BMAL2: variants seen among roughly 807,000 people sequenced by gnomAD.
The protein encoded by BMAL2 is basic helix-loop-helix ARNT-like protein 2.
chr12:27,350,828 C>T, the BMAL2 span, among the ~76,000 whole-genome samples: 2 of 151,764 alleles, frequency 1.3e-5, no homozygotes, highest in East Asian at 3.9e-4. Flanking sequence ...TACAGGCGCC[C>T]ACCACCACGC....
At chr12:27,414,458 TC>T in the BMAL2 span, among the ~76,000 whole-genome samples, 2 of 152,192 alleles carry the variant, frequency 1.3e-5, no homozygotes, top group South Asian at 4.1e-4. Flanking sequence ...AGGTGTCTTT[TC>T]TGGCCACAAT....
chr12:27,363,529 A>G, the BMAL2 span, among the ~76,000 whole-genome samples: 1 of 152,186 alleles, frequency 6.6e-6, no homozygotes. Context: ...TTAGTATATC[A>G]CTACAGTTTC....
the BMAL2 span, among the ~76,000 whole-genome samples, chr12:27,378,164 G>A: frequency 1.3e-5 from 2 of 152,140 alleles, no homozygotes; most frequent in Admixed American, 6.5e-5. Flanking sequence ...TGAAATCTAA[G>A]ATACACTTTT....
At chr12:27,399,789 T>C in the BMAL2 span, among the ~76,000 whole-genome samples, 1 of 152,198 alleles carries the variant, frequency 6.6e-6, no homozygotes, top group Non-Finnish European at 1.5e-5. Flanking sequence ...AAATCACTTT[T>C]GTGGCATGCC....
At chr12:27,340,585 C>G in the BMAL2 span, among the ~76,000 whole-genome samples, 2 of 151,520 alleles carry the variant, frequency 1.3e-5, no homozygotes, top group Admixed American at 1.3e-4. Flanking sequence ...CTTGGCTATT[C>G]GGGCTTTTTT....
the BMAL2 span, among the ~76,000 whole-genome samples, chr12:27,363,900 T>A: frequency 6.6e-6 from 1 of 152,196 alleles, no homozygotes; most frequent in Admixed American, 6.5e-5. Context: ...CTCTCCCTCC[T>A]TTAGAGTTTT....
the BMAL2 span, among the ~76,000 whole-genome samples, chr12:27,410,922 A>G: frequency 2.0e-5 from 3 of 152,104 alleles, no homozygotes; most frequent in Admixed American, 6.5e-5. Context: ...ACACATAACT[A>G]TATCATTATA....
At chr12:27,420,019 G>GCGCGCGCGCGCGCGCGCGCA in the BMAL2 span, among the ~76,000 whole-genome samples, 1 of 147,478 alleles carries the variant, frequency 6.8e-6, no homozygotes, top group African/African-American at 2.5e-5. Context: ...GTTTGCGCGT[G>GCGCGCGCGCGCGCGCGCGCA]CACACACACA....
the BMAL2 span, among the ~76,000 whole-genome samples, chr12:27,394,930 A>G: frequency 2.0e-5 from 3 of 152,352 alleles, no homozygotes; most frequent in East Asian, 5.8e-4. Context: ...GCAAGCCAGA[A>G]AGACAGCCCT....
the BMAL2 span, among the ~76,000 whole-genome samples, chr12:27,419,388 GA>G: frequency 7.2e-5 from 11 of 152,198 alleles, no homozygotes; most frequent in Non-Finnish European, 1.0e-4. Context: ...GCGGAAGGCA[GA>G]AGGGCAAGAG....
chr12:27,339,979 A>G, the BMAL2 span, among the ~76,000 whole-genome samples: 1 of 151,966 alleles, frequency 6.6e-6, no homozygotes, highest in African/African-American at 2.4e-5. Context: ...TAAGTTTCTG[A>G]TAGATGCTGG....
At chr12:27,424,278 T>A in the BMAL2 span, 1 of 152,356 alleles carries the variant, frequency 6.6e-6, no homozygotes, top group African/African-American at 2.4e-5. Context: ...CAATTATTTA[T>A]TGATCCTTGA....
the BMAL2 span, among the ~76,000 whole-genome samples, chr12:27,346,375 G>A: frequency 6.6e-6 from 1 of 152,056 alleles, no homozygotes; most frequent in Admixed American, 6.6e-5. Context: ...ATTCTCCTGT[G>A]TCAGCCTCCT....
chr12:27,405,844 A>G, the BMAL2 span, among the ~76,000 whole-genome samples: 2 of 151,704 alleles, frequency 1.3e-5, no homozygotes, highest in East Asian at 3.9e-4. Context: ...AAAAACCTTG[A>G]AAAAAAAATT....
At chr12:27,376,053 A>G in the BMAL2 span, among the ~76,000 whole-genome samples, 5 of 152,330 alleles carry the variant, frequency 3.3e-5, no homozygotes, top group East Asian at 9.6e-4. Context: ...TAAGTTTGTC[A>G]TGAGATCATA....
At chr12:27,408,772 G>C in the BMAL2 span, among the ~76,000 whole-genome samples, 1 of 152,286 alleles carries the variant, frequency 6.6e-6, no homozygotes, top group East Asian at 1.9e-4. Flanking sequence ...GGAAATAAAA[G>C]GTATTCAATT....
the BMAL2 span, among the ~76,000 whole-genome samples, chr12:27,398,677 C>T: frequency 6.6e-6 from 1 of 151,942 alleles, no homozygotes; most frequent in Non-Finnish European, 1.5e-5. Flanking sequence ...AGGGACAGTT[C>T]GATTTGGAAA....
the BMAL2 span, among the ~76,000 whole-genome samples, chr12:27,407,956 C>T: frequency 2.0e-5 from 3 of 152,162 alleles, no homozygotes; most frequent in Non-Finnish European, 4.4e-5. Context: ...TCAGAGAATA[C>T]TATAAACACC....
the BMAL2 span, among the ~76,000 whole-genome samples, chr12:27,344,532 C>T: frequency 6.6e-6 from 1 of 152,202 alleles, no homozygotes; most frequent in Non-Finnish European, 1.5e-5. Flanking sequence ...GCAGGCTGAA[C>T]TCCAGCACAG....
Sources: gnomAD v4.1 joint callset for allele counts (sites outside exome capture counted in the v4.1 genomes callset) on GRCh38, gnomAD v4.1.1 for gene constraint, MANE v1.5 for transcripts, NCBI Gene and HGNC (gene_info 2026-07-23, HGNC 2026-07-21) for gene names.